Variants in NWD2 observed in about 807,000 individuals in gnomAD.
NWD2 encodes NACHT and WD repeat domain containing 2.
NWD2 carries 37 observed loss-of-function variants against 132.7 expected under a neutral mutation model. The observed-to-expected ratio is 0.28, with a 90% confidence interval of 0.21 to 0.37. NWD2 has a LOEUF of 0.37. Among genes scored for constraint, NWD2 ranks in the 10% least tolerant of loss-of-function variants. NWD2 has a pLI of 1.00. For missense variants in NWD2, 1,592 were observed against 2,122.4 expected, an observed-to-expected ratio of 0.75 and a Z score of 4.91; for synonymous variants, 705 against 803.0, an observed-to-expected ratio of 0.88 and a Z score of 2.06.
At chr4:37,349,405 G>A (rs1158449169) in intron 2 of NWD2, among the ~76,000 whole-genome samples, 1 of 152,112 alleles carries the variant, frequency 6.6e-6, no homozygotes, top group Non-Finnish European at 1.5e-5. Context: ...TCTCATTGTG[G>A]TTCTGATTTG....
intron 3 of NWD2, among the ~76,000 whole-genome samples, chr4:37,391,817 C>G (rs1228989166): frequency 6.6e-6 from 1 of 152,178 alleles, no homozygotes; most frequent in African/African-American, 2.4e-5. Context: ...TGTCTTCCCC[C>G]AGCTATAAAA....
intron 2 of NWD2, among the ~76,000 whole-genome samples, chr4:37,336,764 C>G (rs1462638075): frequency 6.6e-6 from 1 of 151,870 alleles, no homozygotes; most frequent in Non-Finnish European, 1.5e-5. Flanking sequence ...CATGGTGAAA[C>G]CCCGTCTCTA....
At chr4:37,404,210 C>A (rs1720951068) in intron 3 of NWD2, among the ~76,000 whole-genome samples, 1 of 152,124 alleles carries the variant, frequency 6.6e-6, no homozygotes, top group Non-Finnish European at 1.5e-5. Flanking sequence ...ACTTTCTCAA[C>A]CTTGGGAATA....
chr4:37,394,799 G>GGTTTTTTTTTTT (rs1720746883), intron 3 of NWD2, among the ~76,000 whole-genome samples: 1 of 52,596 alleles, frequency 1.9e-5, no homozygotes, highest in African/African-American at 7.7e-5. Context: ...AACCTTTATG[G>GGTTTTTTTTTTT]TTTTTTTTTT....
At chr4:37,374,334 G>C (rs1380043037) in intron 3 of NWD2, among the ~76,000 whole-genome samples, 10 of 152,132 alleles carry the variant, frequency 6.6e-5, no homozygotes, top group Non-Finnish European at 1.5e-4. Flanking sequence ...TGCCATGCTT[G>C]TTGTACAGCC....
At chr4:37,391,836 C>A (rs977911916) in intron 3 of NWD2, among the ~76,000 whole-genome samples, 8 of 151,924 alleles carry the variant, frequency 5.3e-5, no homozygotes, top group African/African-American at 1.9e-4. Context: ...AAGGCTGTTA[C>A]CAAATTTAAG....
At chr4:37,384,839 A>T (rs17421659) in intron 3 of NWD2, among the ~76,000 whole-genome samples, 4,262 of 152,292 alleles carry the variant, frequency 0.028, 79 homozygotes, top group South Asian at 0.046. Context: ...GCATAAAAAT[A>T]GCCATTCATC....
At chr4:37,426,645 A>G (rs932948651) in intron 3 of NWD2, among the ~76,000 whole-genome samples, 4 of 152,112 alleles carry the variant, frequency 2.6e-5, no homozygotes, top group Non-Finnish European at 5.9e-5. Context: ...GAGACCATAT[A>G]TGCACTGCCC....
At chr4:37,253,011 CT>C (rs951917916) in intron 1 of NWD2, among the ~76,000 whole-genome samples, 75 of 148,178 alleles carry the variant, frequency 5.1e-4, no homozygotes, top group African/African-American at 1.7e-3. Flanking sequence ...ACCCCCCCCC[CT>C]TATGTTTTGC....
chr4:37,300,752 G>T (rs1271110056), intron 1 of NWD2, among the ~76,000 whole-genome samples: 1 of 151,836 alleles, frequency 6.6e-6, no homozygotes, highest in Non-Finnish European at 1.5e-5. Context: ...ACCCAACAAA[G>T]AATAAAAATA....
Position 37,438,968 on chromosome 4 carries a change from C to G in NWD2, c.874C>G (p.Pro292Ala). Residue 292 changes from proline (P) to alanine (A), a missense_variant, in exon 6 of 7, where the codon CCA becomes GCA. Coordinates refer to ENST00000309447, the MANE Select transcript of NWD2 (RefSeq NM_001144990.2). ...AACAGAACCGAGGATTATTCGGGAC[C>G]CAGAAGCCCAAGAGAAGCTGATAAA... Reference protein sequence around the residue: ...TGTEPRIIRDPEAQEKLIKLR... With the variant: ...TGTEPRIIRDAEAQEKLIKLR... 3 of 1,551,850 alleles carry G rather than the reference C, an allele frequency of 1.9e-6. No individual in the cohort carries two copies. The South Asian group carries it at 3.6e-5, about 18-fold the overall frequency.
Position 37,357,559 on chromosome 4 carries a change from G to T in NWD2, c.357+1077G>T, listed in dbSNP as rs1719896024. On this transcript the variant is annotated intron_variant, in intron 3 of 6. Transcript: ENST00000309447. ...CGTGTGCCAAGGGTTGCTCTTAGGT[G>T]CTGGGGGTGTGGTAGGTTGACCCAT... Among the ~76,000 whole-genome samples, 5 of 152,134 alleles carry T rather than the reference G, an allele frequency of 3.3e-5. No individual in the cohort carries two copies. In the South Asian group the frequency reaches 8.3e-4, roughly 25 times the overall value.
intron 3 of NWD2, 38 bp from the exon 4 acceptor site, chr4:37,430,534 G>A: frequency 7.0e-7 from 1 of 1,427,866 alleles, no homozygotes; most frequent in Non-Finnish European, 9.7e-7. Flanking sequence ...GAACTTTCTT[G>A]GTGATACACT....
rs143081231 is a variant in NWD2 at position 37,309,104 on chromosome 4, G to A, written c.152-16832G>A. Among the ~76,000 whole-genome samples the A allele has an allele frequency of 4.1e-4, 62 of 152,298 alleles. No individual in the cohort carries two copies. In the East Asian group the frequency reaches 0.011, roughly 27 times the overall value. The stretch of plus-strand genomic sequence containing the variant: ...CAGGCCCTTGGTGGGCCAGTCCTGG[G>A]CCCCCATCCTGGGGTAGCCAGTCCT... On this transcript the variant is annotated intron_variant, in intron 1 of 6. Transcript: ENST00000309447.
At chr4:37,381,731 C>A (rs1720458314) in intron 3 of NWD2, among the ~76,000 whole-genome samples, 1 of 152,178 alleles carries the variant, frequency 6.6e-6, no homozygotes, top group Admixed American at 6.5e-5. Flanking sequence ...CTGTACCAAG[C>A]TGAAATGACA....
chr4:37,308,083 T>C (rs2109279408), intron 1 of NWD2, among the ~76,000 whole-genome samples: 1 of 152,350 alleles, frequency 6.6e-6, no homozygotes, highest in South Asian at 2.1e-4. Context: ...TTAAATTCCT[T>C]TAAAAGTATT....
At chr4:37,303,148 G>A (rs1485357096) in intron 1 of NWD2, among the ~76,000 whole-genome samples, 3 of 152,130 alleles carry the variant, frequency 2.0e-5, no homozygotes, top group African/African-American at 7.2e-5. Flanking sequence ...TGGGTGTAAT[G>A]TTTGGTCTTC....
chr4:37,415,927 TC>T (rs764311514), intron 3 of NWD2, among the ~76,000 whole-genome samples: 26 of 152,164 alleles, frequency 1.7e-4, no homozygotes, highest in Admixed American at 4.6e-4. Context: ...CCAACCTTCC[TC>T]CTAGGCCTGT....
intron 1 of NWD2, among the ~76,000 whole-genome samples, chr4:37,299,070 C>T (rs1718561630): frequency 1.3e-5 from 2 of 152,120 alleles, no homozygotes; most frequent in South Asian, 4.1e-4. Context: ...CTCAATTTCT[C>T]TTCAAATCTC....
Sources: gnomAD v4.1 joint callset for allele counts (sites outside exome capture counted in the v4.1 genomes callset) on GRCh38, gnomAD v4.1.1 for gene constraint, MANE v1.5 for transcripts, NCBI Gene and HGNC (gene_info 2026-07-23, HGNC 2026-07-21) for gene names.